The following TNIK variants were observed in gnomAD, a reference collection of about 807,000 sequenced individuals.
TNIK encodes TRAF2 and NCK-interacting protein kinase.
Under a neutral mutation model 191.3 loss-of-function variants are expected in TNIK, and 49 were observed. That is an observed-to-expected ratio of 0.26 (90% CI 0.20 to 0.32). The LOEUF (loss-of-function observed/expected upper bound fraction) is 0.32. Ranked by LOEUF, TNIK falls within the 10% of genes least tolerant of loss-of-function variation. TNIK has a pLI of 1.00. For synonymous variants in TNIK, 594 were observed against 600.9 expected, an observed-to-expected ratio of 0.99 and a Z score of 0.17; for missense variants, 1,155 against 1,702.3, an observed-to-expected ratio of 0.68 and a Z score of 5.66.
At position 171,128,846 on chromosome 3, in the gene TNIK, A is replaced by G. The variant is rs891422862; in HGVS notation, c.1641T>C (p.Ser547=). 1.3e-6 allele frequency: 2 copies of G among 1,565,172 alleles called. No homozygotes were observed. The highest frequency in any genetic ancestry group is 2.3e-5 in the South Asian group (2 of 85,836). The change falls in exon 16 of 33, where the codon AGT becomes AGC. Residue 547 remains serine, a synonymous_variant. Coordinates refer to ENST00000436636, the MANE Select transcript of TNIK (RefSeq NM_015028.4). ...VEERSRLNRQ[S]SPAMPHKVAN... ...CAACCTTGTGAGGCATGGCAGGGGA[A>G]CTTTGCCGGTTGAGCCTTGACCGTT...
At chr3:171,182,157 CATT>C (rs1302592512) in intron 7 of TNIK, among the ~76,000 whole-genome samples, 1 of 129,442 alleles carries the variant, frequency 7.7e-6, no homozygotes, top group Non-Finnish European at 1.6e-5. Flanking sequence ...CATTTGATAT[CATT>C]GTTAGGATTT....
At chr3:171,146,489 C>T (rs1432438465) in intron 12 of TNIK, among the ~76,000 whole-genome samples, 15 of 152,058 alleles carry the variant, frequency 9.9e-5, no homozygotes, top group Admixed American at 9.8e-4. Flanking sequence ...GAGGGGTAGG[C>T]AAGAGAGGCA....
chr3:171,208,253 T>C (rs2108899088), intron 4 of TNIK, among the ~76,000 whole-genome samples: 1 of 152,168 alleles, frequency 6.6e-6, no homozygotes, highest in Admixed American at 6.5e-5. Context: ...CTATGGTATT[T>C]ACGGCTACAG....
chr3:171,448,085 A>C (rs1727724301), intron 1 of TNIK, among the ~76,000 whole-genome samples: 1 of 152,328 alleles, frequency 6.6e-6, no homozygotes, highest in Non-Finnish European at 1.5e-5. Flanking sequence ...GTAGGAGTAC[A>C]GATGAAACAG....
chr3:171,325,950 G>A (rs970817028), intron 2 of TNIK, among the ~76,000 whole-genome samples: 3 of 152,136 alleles, frequency 2.0e-5, no homozygotes, highest in African/African-American at 4.8e-5. Context: ...CACTCTTCTC[G>A]AGCCTCATCT....
intron 2 of TNIK, among the ~76,000 whole-genome samples, chr3:171,242,054 C>T (rs150535356): frequency 0.02 from 3,080 of 151,610 alleles, 98 homozygotes; most frequent in African/African-American, 0.069. Flanking sequence ...TTAGGAGATA[C>T]ACCTAATGTA....
At chr3:171,078,862 T>A (rs988485709) in intron 28 of TNIK, among the ~76,000 whole-genome samples, 1 of 152,166 alleles carries the variant, frequency 6.6e-6, no homozygotes, top group South Asian at 2.1e-4. Context: ...GAGGGATGTG[T>A]ATGTGTGTGT....
At chr3:171,318,242 T>G (rs1285076889) in intron 2 of TNIK, among the ~76,000 whole-genome samples, 1 of 152,138 alleles carries the variant, frequency 6.6e-6, no homozygotes, top group African/African-American at 2.4e-5. Flanking sequence ...ATCAGACAGT[T>G]GCATAATTAT....
intron 1 of TNIK, among the ~76,000 whole-genome samples, chr3:171,431,057 C>T (rs908393633): frequency 4.9e-4 from 74 of 152,086 alleles, no homozygotes; most frequent in African/African-American, 1.6e-3. Context: ...TAGGTCCGTC[C>T]TGCTTGTTTT....
intron 28 of TNIK, among the ~76,000 whole-genome samples, chr3:171,079,037 C>T (rs1284169558): frequency 6.6e-6 from 1 of 152,158 alleles, no homozygotes; most frequent in Non-Finnish European, 1.5e-5. Context: ...CACCTTACAC[C>T]TCCACTTCCA....
At chr3:171,177,870 T>C (rs934800111) in intron 7 of TNIK, among the ~76,000 whole-genome samples, 2 of 152,218 alleles carry the variant, frequency 1.3e-5, no homozygotes, top group African/African-American at 4.8e-5. Context: ...ATCCCCACTC[T>C]CCTGTCCCTA....
At chr3:171,447,210 T>C (rs1727619449) in intron 1 of TNIK, among the ~76,000 whole-genome samples, 1 of 148,762 alleles carries the variant, frequency 6.7e-6, no homozygotes, top group African/African-American at 2.5e-5. Flanking sequence ...AATAAATAAA[T>C]AAATAAACAA....
chr3:171,096,571 T>G (rs1175613246), intron 22 of TNIK, among the ~76,000 whole-genome samples: 2 of 152,192 alleles, frequency 1.3e-5, no homozygotes, highest in Admixed American at 1.3e-4. Context: ...AGAAAATCCC[T>G]GGTGACTTTA....
At chr3:171,075,448 G>A (rs1455211731) in intron 28 of TNIK, among the ~76,000 whole-genome samples, 1 of 152,130 alleles carries the variant, frequency 6.6e-6, no homozygotes, top group African/African-American at 2.4e-5. Context: ...GAATTCCAGG[G>A]TATCCCTATT....
chr3:171,084,130 A>T (rs1245185750), intron 26 of TNIK, 25 bp downstream of exon 26: 3 of 1,484,088 alleles, frequency 2.0e-6, no homozygotes, highest in Non-Finnish European at 1.8e-6. Context: ...ATTTAAAAAA[A>T]AAAAAAAAAA....
rs190229502 is a variant in TNIK, at chr3:171,404,218, C to T, written c.58-34533G>A. 1.6e-4 allele frequency among the ~76,000 whole-genome samples: 25 copies of T among 152,236 alleles called. No individual in the cohort carries two copies. In the East Asian group the frequency reaches 3.9e-3, roughly 24 times the overall value. On this transcript the variant is annotated intron_variant, in intron 1 of 32. Transcript: ENST00000436636. ...CAGTTCTTCCTCAAATTCCCCTGTGCGTTTTGAGGAGTAAGGATCCCTAGC... is the reference window on the plus strand; with the variant it reads ...CAGTTCTTCCTCAAATTCCCCTGTGTGTTTTGAGGAGTAAGGATCCCTAGC...
At chr3:171,268,549 A>C (rs770933325) in intron 2 of TNIK, among the ~76,000 whole-genome samples, 12 of 152,044 alleles carry the variant, frequency 7.9e-5, no homozygotes, top group African/African-American at 9.7e-5. Flanking sequence ...GTCCTGAGTA[A>C]AATCTCTTTG....
chr3:171,184,566 G>T (rs1461697874), intron 7 of TNIK, among the ~76,000 whole-genome samples: 2 of 152,174 alleles, frequency 1.3e-5, no homozygotes, highest in South Asian at 4.1e-4. Context: ...TGCTATCTGG[G>T]TCATCTTCCT....
chr3:171,255,811 T>A (rs971733721), intron 2 of TNIK, among the ~76,000 whole-genome samples: 3 of 152,172 alleles, frequency 2.0e-5, no homozygotes, highest in Non-Finnish European at 4.4e-5. Flanking sequence ...TTCTTCTGTT[T>A]GGAAGGACAT....
Sources: gnomAD v4.1 joint callset for allele counts (sites outside exome capture counted in the v4.1 genomes callset) on GRCh38, gnomAD v4.1.1 for gene constraint, MANE v1.5 for transcripts, NCBI Gene and HGNC (gene_info 2026-07-23, HGNC 2026-07-21) for gene names.